The following ZBTB7C variants were observed in gnomAD, a reference collection of about 807,000 sequenced individuals.
ZBTB7C encodes the protein zinc finger and BTB domain-containing protein 7C.
In ZBTB7C, 8 loss-of-function variants were observed where a neutral mutation model predicts 25.7. The ratio of observed to expected loss-of-function variants is 0.31; its 90% CI spans 0.18 to 0.56. ZBTB7C has a LOEUF of 0.56. Ranked by LOEUF, ZBTB7C falls within the 20% of genes least tolerant of loss-of-function variation. The pLI is 0.91. For missense variants in ZBTB7C, 824 were observed against 855.2 expected, an observed-to-expected ratio of 0.96 and a Z score of 0.46; for synonymous variants, 394 against 369.0, an observed-to-expected ratio of 1.07 and a Z score of -0.78.
intron 2 of ZBTB7C, among the ~76,000 whole-genome samples, chr18:48,253,151 GC>G (rs1479706678): frequency 6.6e-6 from 1 of 152,072 alleles, no homozygotes; most frequent in East Asian, 1.9e-4. Flanking sequence ...GGGTGAATAG[GC>G]AGAGCCTTCC....
intron 1 of ZBTB7C, among the ~76,000 whole-genome samples, chr18:48,340,011 C>T (rs1458644541): frequency 6.6e-6 from 1 of 152,208 alleles, no homozygotes; most frequent in Non-Finnish European, 1.5e-5. Context: ...AGCAAAACAA[C>T]TATTATTATC....
chr18:48,366,539 C>A (rs563027448), intron 1 of ZBTB7C, among the ~76,000 whole-genome samples: 4 of 152,140 alleles, frequency 2.6e-5, no homozygotes, highest in Non-Finnish European at 5.9e-5. Context: ...ACATGGCACG[C>A]AGTGGACTAA....
At chr18:48,342,016 C>A (rs2046612996) in intron 1 of ZBTB7C, among the ~76,000 whole-genome samples, 1 of 152,150 alleles carries the variant, frequency 6.6e-6, no homozygotes, top group Non-Finnish European at 1.5e-5. Flanking sequence ...GCCCTGGGCA[C>A]CCAGGAAAGA....
chr18:48,065,942 C>T (rs547775760), intron 3 of ZBTB7C, among the ~76,000 whole-genome samples: 5 of 152,302 alleles, frequency 3.3e-5, no homozygotes, highest in African/African-American at 1.2e-4. Context: ...CTTGCCAGCT[C>T]TGCCCTCTCT....
At chr18:48,127,164 T>A (rs974371940) in intron 3 of ZBTB7C, among the ~76,000 whole-genome samples, 2 of 152,144 alleles carry the variant, frequency 1.3e-5, no homozygotes, top group African/African-American at 4.8e-5. Context: ...ACAGAGAGGT[T>A]AAGTAACTAG....
chr18:48,096,215 A>G (rs1312062755), intron 3 of ZBTB7C, among the ~76,000 whole-genome samples: 1 of 152,182 alleles, frequency 6.6e-6, no homozygotes, highest in Non-Finnish European at 1.5e-5. Flanking sequence ...TAGAAAACCA[A>G]AAAATAGGCA....
At chr18:48,409,605 T>G (rs918848294), upstream of ZBTB7C, among the ~76,000 whole-genome samples, 2 of 150,498 alleles carry the variant, frequency 1.3e-5, no homozygotes, top group Non-Finnish European at 3.0e-5. Context: ...GCACATGCAC[T>G]TGCTGCGCCG....
chr18:48,361,534 T>C (rs1027674143), intron 1 of ZBTB7C, among the ~76,000 whole-genome samples: 2 of 152,224 alleles, frequency 1.3e-5, no homozygotes, highest in Non-Finnish European at 2.9e-5. Flanking sequence ...TCATGGCATC[T>C]AATAAACATG....
intron 3 of ZBTB7C, among the ~76,000 whole-genome samples, chr18:48,183,721 C>G (rs1259046439): frequency 6.6e-6 from 1 of 152,236 alleles, no homozygotes; most frequent in East Asian, 1.9e-4. Context: ...TCATGACATT[C>G]TCGGGTCCTT....
In ZBTB7C at chr18:48,215,043, C is replaced by T. The variant is rs996336826; in HGVS notation, c.-78-29048G>A. Among the ~76,000 whole-genome samples, 19 of 152,136 alleles carry T rather than the reference C, an allele frequency of 1.2e-4. 1 individual carries two copies. The highest frequency in any genetic ancestry group is 4.6e-4 in the African/African-American group (19 of 41,430). On this transcript the variant is annotated intron_variant, in intron 2 of 4. Transcript: ENST00000590800. ...TATAAAACTCACAATGTCACTAGTCCTCTTTTGAAGTGGGTGAAACATAAA... is the reference window on the plus strand; with the variant it reads ...TATAAAACTCACAATGTCACTAGTCTTCTTTTGAAGTGGGTGAAACATAAA...
chr18:48,142,731 G>T (rs2040385874), intron 3 of ZBTB7C, among the ~76,000 whole-genome samples: 1 of 150,082 alleles, frequency 6.7e-6, no homozygotes, highest in South Asian at 2.1e-4. Context: ...GGCCAAGGTG[G>T]GATAGTGGCA....
intron 2 of ZBTB7C, among the ~76,000 whole-genome samples, chr18:48,228,988 C>T (rs527507525): frequency 6.6e-6 from 1 of 152,268 alleles, no homozygotes; most frequent in South Asian, 2.1e-4. Flanking sequence ...CATCTGGAAA[C>T]ATAAGCACGG....
In ZBTB7C at chr18:48,041,137, CAG is replaced by C. The variant is rs1222094167; in HGVS notation, c.-16-16_-16-15del. On this transcript the variant is annotated splice_polypyrimidine_tract_variant and intron_variant, in intron 3 of 4. Coordinates refer to ENST00000590800, the MANE Select transcript of ZBTB7C (RefSeq NM_001318841.2). ...TCAGCCAGAGCCCTGCAGAGACACA[CAG>C]AGAAGAAGACTGGGTTAGTGAGCGT... 6.4e-7 allele frequency: 1 copy of C among 1,566,110 alleles called. No individual in the cohort carries two copies. The highest frequency in any genetic ancestry group is 1.3e-5 in the African/African-American group (1 of 74,164).
chr18:48,349,681 C>T (rs964842830), intron 1 of ZBTB7C, among the ~76,000 whole-genome samples: 14 of 152,208 alleles, frequency 9.2e-5, no homozygotes, highest in Non-Finnish European at 1.8e-4. Context: ...TACCACCACT[C>T]AGACTAGTTG....
chr18:48,295,477 C>T (rs930751482), intron 2 of ZBTB7C, among the ~76,000 whole-genome samples: 16 of 152,174 alleles, frequency 1.1e-4, no homozygotes, highest in Non-Finnish European at 1.9e-4. Context: ...TGGCGTTGGG[C>T]GCTAGAAGCC....
intron 3 of ZBTB7C, among the ~76,000 whole-genome samples, chr18:48,077,415 C>A (rs2037812784): frequency 6.6e-6 from 1 of 152,200 alleles, no homozygotes; most frequent in African/African-American, 2.4e-5. Flanking sequence ...TACGCTCACA[C>A]CCCAAACTCC....
rs895998240 is a variant in ZBTB7C at position 48,032,336 on chromosome 18, T to G, written c.1209-2425A>C. ...TTCACCATGTTGGTCAGGCTGGTCTTGAACTCCTGACCTTGTGATCTGCCC... is the reference window on the plus strand; with the variant it reads ...TTCACCATGTTGGTCAGGCTGGTCTGGAACTCCTGACCTTGTGATCTGCCC... On this transcript the variant is annotated intron_variant, in intron 4 of 4. Coordinates refer to ENST00000590800, the MANE Select transcript of ZBTB7C (RefSeq NM_001318841.2). 2.0e-5 allele frequency among the ~76,000 whole-genome samples: 3 copies of G among 151,570 alleles called. No individual in the cohort carries two copies. The East Asian group carries it at 5.8e-4, about 29-fold the overall frequency.
rs116635295 is a variant in ZBTB7C, at chr18:48,040,807, C to G, written c.301G>C (p.Ala101Pro). 6.2e-7 allele frequency: 1 copy of G among 1,613,944 alleles called. No individual in the cohort carries two copies. Among genetic ancestry groups the G allele is most frequent in the Admixed American group, 1.7e-5 (1 of 60,012 alleles). ...TTGAGGATGTGCTTGACATTGCCAG[C>G]GGTGATGGTGAGCGTGGAGGTGTAG... ...FAYTSTLTIT[A>P]GNVKHILNAA... is the part of the protein sequence containing the mutation. Residue 101 changes from alanine to proline, a missense_variant, in exon 4 of 5, where the codon GCT becomes CCT. Physicochemically the swap from Ala to Pro is conservative, Grantham distance 27. Coordinates refer to ENST00000590800, the MANE Select transcript of ZBTB7C (RefSeq NM_001318841.2).
At chr18:48,246,980 T>C (rs1426846997) in intron 2 of ZBTB7C, among the ~76,000 whole-genome samples, 1 of 152,170 alleles carries the variant, frequency 6.6e-6, no homozygotes, top group Admixed American at 6.5e-5. Context: ...AATTATACCA[T>C]GACAAAGTGG....
Sources: allele counts gnomAD v4.1 joint callset (sites outside exome capture counted in the v4.1 genomes callset), GRCh38; gene constraint gnomAD v4.1.1; transcripts MANE v1.5; gene names NCBI Gene and HGNC (gene_info 2026-07-23, HGNC 2026-07-21).